Variants in DISP1 observed in about 807,000 individuals in gnomAD.
The protein encoded by DISP1 is dispatched RND transporter family member 1, also known as protein dispatched homolog 1.
Under a neutral mutation model 37.3 loss-of-function variants are expected in DISP1, and 30 were observed. The observed-to-expected ratio is 0.80, with a 90% CI of 0.60 to 1.09. DISP1 has a LOEUF of 1.09. DISP1 is among the 50% of genes least tolerant of loss of function. The pLI, the probability that DISP1 is intolerant of heterozygous loss-of-function variation, is 0.00. For synonymous variants in DISP1, 634 were observed against 690.2 expected, an observed-to-expected ratio of 0.92 and a Z score of 1.28; for missense variants, 1,598 against 1,879.5, an observed-to-expected ratio of 0.85 and a Z score of 2.77.
intron 1 of DISP1, among the ~76,000 whole-genome samples, chr1:222,841,370 A>G (rs1667603468): frequency 2.0e-5 from 3 of 152,194 alleles, no homozygotes; most frequent in Admixed American, 2.0e-4. Flanking sequence ...CCTCATTAAT[A>G]ACCCTATAAG....
chr1:222,991,352 T>C (rs1678681686), intron 5 of DISP1, among the ~76,000 whole-genome samples, 168 bp from the exon 6 acceptor site: 1 of 152,244 alleles, frequency 6.6e-6, no homozygotes. Context: ...GATTATCATG[T>C]CAAGGCATCT....
At chr1:222,851,061 AT>A (rs971721526) in intron 1 of DISP1, among the ~76,000 whole-genome samples, 10,205 of 127,296 alleles carry the variant, frequency 0.08, 277 homozygotes, top group Non-Finnish European at 0.097. Flanking sequence ...TGCATTTTTA[AT>A]TTTTTTTTTT....
At chr1:222,932,186 G>A (rs904046020) in intron 2 of DISP1, among the ~76,000 whole-genome samples, 1 of 151,878 alleles carries the variant, frequency 6.6e-6, no homozygotes, top group African/African-American at 2.4e-5. Flanking sequence ...ATTATATAAA[G>A]TATAAATCAG....
chr1:222,955,076 G>A (rs2125525949), intron 3 of DISP1, among the ~76,000 whole-genome samples: 1 of 150,070 alleles, frequency 6.7e-6, no homozygotes, highest in African/African-American at 2.5e-5. Flanking sequence ...TCTGAATGCT[G>A]TGTAATCATT....
rs578054476 is a variant in DISP1 at position 222,889,381 on chromosome 1, T to G, written c.-158-39049T>G. 2.6e-5 allele frequency among the ~76,000 whole-genome samples: 4 copies of G among 152,224 alleles called. No individual in the cohort carries two copies. The East Asian group carries it at 7.7e-4, about 29-fold the overall frequency. On this transcript the variant is annotated intron_variant, in intron 1 of 8. Transcript: ENST00000675850. ...GATTCTGTTTTCTTCCAGGAAATGCTTTTCCTCAGTTCCTTAAGCCTCCTG... is the reference window on the plus strand; with the variant it reads ...GATTCTGTTTTCTTCCAGGAAATGCGTTTCCTCAGTTCCTTAAGCCTCCTG...
Position 223,003,293 on chromosome 1 carries a change from C to T in DISP1, c.1896C>T (p.Cys632=), listed in dbSNP as rs1558083070. The T allele has an allele frequency of 1.9e-6, 3 of 1,614,224 alleles. No homozygotes were observed. The highest frequency in any genetic ancestry group is 2.5e-6 in the Non-Finnish European group (3 of 1,180,050). ...NYVSNITAIR[C]FGVYAGTAIL... ...TTAGCAACATTACAGCAATCCGATG[C>T]TTTGGGGTTTATGCGGGGACAGCTA... The change falls in exon 9 of 9, where the codon TGC becomes TGT. Residue 632 remains cysteine, a synonymous_variant. Transcript: ENST00000675850. The surrounding 1 kb of genome is among the most constrained non-coding windows in gnomAD (Gnocchi z 4.3).
chr1:222,899,821 C>G (rs1671484004), intron 1 of DISP1: 1 of 152,158 alleles, frequency 6.6e-6, no homozygotes, highest in Non-Finnish European at 1.5e-5. Context: ...CTCCTGGGCT[C>G]AAGCCATCTA....
intron 2 of DISP1, among the ~76,000 whole-genome samples, chr1:222,937,052 AATATGCAAT>A (rs1424515834): frequency 1.0e-5 from 1 of 95,834 alleles, no homozygotes; most frequent in Non-Finnish European, 1.9e-5. Context: ...TATTATATAT[AATATGCAAT>A]ATATAATATA....
At chr1:222,936,805 T>TA (rs60503354) in intron 2 of DISP1, among the ~76,000 whole-genome samples, 50 of 45,772 alleles carry the variant, frequency 1.1e-3, no homozygotes, top group South Asian at 2.2e-3. Context: ...ATATATTATA[T>TA]ATATAAATTA....
At chr1:222,870,137 G>T (rs534756659) in intron 1 of DISP1, among the ~76,000 whole-genome samples, 1 of 152,328 alleles carries the variant, frequency 6.6e-6, no homozygotes, top group African/African-American at 2.4e-5. Context: ...TGTTATGACT[G>T]CATAGTATTC....
At chr1:222,870,000 T>C (rs1669440420) in intron 1 of DISP1, among the ~76,000 whole-genome samples, 2 of 152,192 alleles carry the variant, frequency 1.3e-5, no homozygotes, top group Admixed American at 1.3e-4. Flanking sequence ...CCATGTGTTC[T>C]CATTGTTCAA....
intron 1 of DISP1, among the ~76,000 whole-genome samples, chr1:222,924,175 G>A (rs1430927025): frequency 6.6e-6 from 1 of 152,118 alleles, no homozygotes; most frequent in African/African-American, 2.4e-5. Flanking sequence ...AGCATCCCTT[G>A]AATTTTTTTT....
At chr1:222,942,735 TATC>T in intron 2 of DISP1, 69 bp from the exon 3 acceptor site, 1 of 1,565,406 alleles carries the variant, frequency 6.4e-7, no homozygotes, top group Non-Finnish European at 8.8e-7. Flanking sequence ...TGTTTTTAAA[TATC>T]ATACTTGTCT....
chr1:222,903,065 T>A (rs1476122377), intron 1 of DISP1, among the ~76,000 whole-genome samples: 1 of 151,138 alleles, frequency 6.6e-6, no homozygotes, highest in African/African-American at 2.4e-5. Context: ...TGTCCAACAA[T>A]GATAGACTGG....
At chr1:222,834,847 A>G (rs1186624088) in intron 1 of DISP1, among the ~76,000 whole-genome samples, 1 of 152,096 alleles carries the variant, frequency 6.6e-6, no homozygotes, top group African/African-American at 2.4e-5. Flanking sequence ...TTTTTTTCCC[A>G]TGCTTAAAGT....
rs141243104 is a variant in DISP1 at position 222,996,025 on chromosome 1, C to T, written c.987+1043C>T. On this transcript the variant is annotated intron_variant, in intron 8 of 8. Coordinates refer to ENST00000675850, the MANE Select transcript of DISP1 (RefSeq NM_001377229.1). ...CCCAGACCTCCCAGATTTACCCCATCCTTCATTCTAAGAGGCTGTTTGTAC... is the reference window on the plus strand; with the variant it reads ...CCCAGACCTCCCAGATTTACCCCATTCTTCATTCTAAGAGGCTGTTTGTAC... 1.6e-3 allele frequency among the ~76,000 whole-genome samples: 242 copies of T among 152,314 alleles called. 1 individual carries two copies. Among genetic ancestry groups the T allele is most frequent in the African/African-American group, 5.6e-3 (232 of 41,580 alleles).
rs772782970 is a variant in DISP1 at position 222,992,004 on chromosome 1, C to G, written c.792-9C>G. The G allele has an allele frequency of 6.2e-7, 1 of 1,603,596 alleles. No homozygotes were observed. Among genetic ancestry groups the G allele is most frequent in the South Asian group, 1.1e-5 (1 of 90,836 alleles). On this transcript the variant is annotated splice_polypyrimidine_tract_variant and intron_variant, in intron 6 of 8. Coordinates refer to ENST00000675850, the MANE Select transcript of DISP1 (RefSeq NM_001377229.1). ...CTTTATTGAAGATCAAATTGTCGTTCCATTTCAGCCATCGGGATGATAGAT... is the reference window on the plus strand; with the variant it reads ...CTTTATTGAAGATCAAATTGTCGTTGCATTTCAGCCATCGGGATGATAGAT...
chr1:222,923,404 T>C lies in DISP1; in HGVS notation c.-158-5026T>C, dbSNP rs148720377. On this transcript the variant is annotated intron_variant, in intron 1 of 8. Transcript: ENST00000675850. ...ATTTTTAAATTTCATTTAATATGAA[T>C]CAATTTAAAATTAAGTCACCACATG... Among the ~76,000 whole-genome samples the C allele has an allele frequency of 1.1e-3, 174 of 152,264 alleles. 2 individuals are homozygous for C. The highest frequency in any genetic ancestry group is 3.9e-3 in the Admixed American group (60 of 15,288).
intron 1 of DISP1, among the ~76,000 whole-genome samples, chr1:222,821,569 T>G (rs372212704): frequency 6.6e-6 from 1 of 152,084 alleles, no homozygotes; most frequent in African/African-American, 2.4e-5. Context: ...TCATGAGATC[T>G]GATGGTTTAA....
Sources: allele counts gnomAD v4.1 joint callset (sites outside exome capture counted in the v4.1 genomes callset), GRCh38; gene constraint gnomAD v4.1.1; non-coding constraint Gnocchi (gnomAD v3.1); transcripts MANE v1.5; gene names NCBI Gene and HGNC (gene_info 2026-07-23, HGNC 2026-07-21).